SVIL: variants seen among roughly 807,000 people sequenced by gnomAD.
SVIL encodes the protein supervillin, also known as archvillin.
A neutral mutation model predicts 240.4 loss-of-function variants in SVIL; 101 were observed. That is an observed-to-expected ratio of 0.42 (90% CI 0.36 to 0.50). The LOEUF (loss-of-function observed/expected upper bound fraction) is 0.50. Among genes scored for constraint, SVIL ranks in the 20% least tolerant of loss-of-function variants. The pLI, the probability that SVIL is intolerant of heterozygous loss-of-function variation, is 0.01. For missense variants in SVIL, 2,512 were observed against 2,818.7 expected (o/e 0.89, Z 2.46); for synonymous variants, 999 against 1,100.0 (o/e 0.91, Z 1.82).
At chr10:29,666,840 T>C (rs1331220488) in intron 2 of SVIL, among the ~76,000 whole-genome samples, 2 of 152,232 alleles carry the variant, frequency 1.3e-5, no homozygotes, top group African/African-American at 2.4e-5. Flanking sequence ...CTGGGCATAA[T>C]ATGGTTTGGC....
intron 30 of SVIL, among the ~76,000 whole-genome samples, 159 bp from the exon 31 acceptor site, chr10:29,471,402 C>T (rs187272709): frequency 3.9e-4 from 59 of 152,296 alleles, no homozygotes; most frequent in South Asian, 2.9e-3. Flanking sequence ...CGAACGCTGC[C>T]GTGTGCAGCC....
chr10:29,515,707 T>G (rs56013324), intron 16 of SVIL, among the ~76,000 whole-genome samples: 41,455 of 152,116 alleles, frequency 0.27, 6,008 homozygotes, highest in Non-Finnish European at 0.33. Context: ...CAAATTCATC[T>G]TCCTGAGTTG....
rs934760585 is a variant in SVIL, at chr10:29,463,980, T to C, written c.6134-345A>G. On this transcript the variant is annotated intron_variant, in intron 34 of 37. Transcript: ENST00000355867. ...TGCTAAGAGTGGAAGGGATAATGCA[T>C]GTGCCACTCAAGGGGCTGTTAGCAC... Among the ~76,000 whole-genome samples the C allele has an allele frequency of 2.6e-5, 4 of 152,312 alleles. No homozygotes were observed. The East Asian group carries it at 5.8e-4, about 22-fold the overall frequency.
chr10:29,670,944 A>G (rs941184271), intron 2 of SVIL: 1 of 151,942 alleles, frequency 6.6e-6, no homozygotes, highest in African/African-American at 2.4e-5. Context: ...GAGTCCAACA[A>G]CTCCTCTATT....
Position 29,524,515 on chromosome 10 carries a change from G to A in SVIL, c.2543C>T (p.Ala848Val), listed in dbSNP as rs1274653008. ...RIDTRQRRMN[A>V]RYQTQPVTLG... Reference sequence around the variant, plus strand: ...TGTGACTGGCTGAGTTTGATAGCGAGCGTTCATTCTCCTCTGTCTCGTGTC... The same window carrying A: ...TGTGACTGGCTGAGTTTGATAGCGAACGTTCATTCTCCTCTGTCTCGTGTC... Residue 848 changes from alanine (A) to valine (V), a missense_variant, in exon 14 of 38, where the codon GCT becomes GTT. Ala to Val is a moderately conservative substitution (Grantham distance 64). Transcript: ENST00000355867. The A allele has an allele frequency of 1.2e-6, 2 of 1,614,194 alleles. No homozygotes were observed. Among genetic ancestry groups the A allele is most frequent in the East Asian group, 2.2e-5 (1 of 44,870 alleles).
chr10:29,522,601 C>T lies in SVIL; in HGVS notation c.3198G>A (p.Thr1066=), dbSNP rs375641956. Residue 1066 remains threonine, a synonymous_variant, in exon 16 of 38, where the codon ACG becomes ACA. Coordinates refer to ENST00000355867, the MANE Select transcript of SVIL (RefSeq NM_021738.3). The part of the protein sequence containing the change: ...AEFGEPTSEQ[T]GTAAGKTIAQ... The stretch of plus-strand genomic sequence containing the variant: ...CAATAGTTTTCCCAGCAGCTGTCCC[C>T]GTCTGCTCGGAAGTGGGCTCCCCGA... 56 of 1,614,162 alleles carry T rather than the reference C, an allele frequency of 3.5e-5. 1 individual carries two copies. In the South Asian group the frequency reaches 4.7e-4, roughly 14 times the overall value.
chr10:29,576,049 T>C (rs2132746575), intron 1 of SVIL: 1 of 962,254 alleles, frequency 1.0e-6, no homozygotes, highest in Non-Finnish European at 1.2e-6. Flanking sequence ...ATATGTGTTT[T>C]CCCATGAAAC....
chr10:29,632,386 G>A (rs1958132243), intron 1 of SVIL, among the ~76,000 whole-genome samples: 1 of 151,860 alleles, frequency 6.6e-6, no homozygotes, highest in Non-Finnish European at 1.5e-5. Context: ...AGCTAGTAGG[G>A]AGGCTGAGGC....
Position 29,490,490 on chromosome 10 carries a change from G to A in SVIL, c.4192+357C>T, listed in dbSNP as rs186855046. ...TAACCGGGTGCGGTGGCTTGTGCCT[G>A]TAATCCCAGCACTTTGGGAGATCAA... On this transcript the variant is annotated intron_variant, in intron 22 of 37. Transcript: ENST00000355867. Among the ~76,000 whole-genome samples the A allele has an allele frequency of 2.4e-3, 367 of 151,266 alleles. 8 individuals carry two copies. In the South Asian group the frequency reaches 0.041, roughly 17 times the overall value.
rs764204188 is a variant in SVIL, at chr10:29,533,362, C to G, written c.1005G>C (p.Ala335=). The stretch of plus-strand genomic sequence containing the variant: ...ACTGAAATGACACGTAATGGACTGG[C>G]GCTGGCTGGTGTCTCCTCTGAGTTA... The part of the protein sequence containing the change: ...ESVTQRRHQP[A]PVHYVSFQSE... Residue 335 remains alanine (A), a synonymous_variant, in exon 8 of 38, where the codon GCG becomes GCC. Coordinates refer to ENST00000355867, the MANE Select transcript of SVIL (RefSeq NM_021738.3). 1 of 1,614,022 alleles carries G rather than the reference C, an allele frequency of 6.2e-7. No homozygotes were observed. Among genetic ancestry groups the G allele is most frequent in the Non-Finnish European group, 8.5e-7 (1 of 1,180,040 alleles).
intron 6 of SVIL, among the ~76,000 whole-genome samples, chr10:29,540,789 C>A (rs1272727670): frequency 6.6e-6 from 1 of 152,172 alleles, no homozygotes. Context: ...AGAAGAGTTA[C>A]CCGATTACCT....
rs61846560 is a variant in SVIL at position 29,520,005 on chromosome 10, C to T, written c.3389+2405G>A. Reference sequence around the variant, plus strand: ...CTCACTTTTAAAAATGAGAATTTTACAGTAGGATTAAAGCTTTCAGAAAAA... The same window carrying T: ...CTCACTTTTAAAAATGAGAATTTTATAGTAGGATTAAAGCTTTCAGAAAAA... On this transcript the variant is annotated intron_variant, in intron 16 of 37. Coordinates refer to ENST00000355867, the MANE Select transcript of SVIL (RefSeq NM_021738.3). Among the ~76,000 whole-genome samples the T allele has an allele frequency of 8.3e-3, 1,265 of 152,258 alleles. 7 individuals are homozygous for T. Among genetic ancestry groups the T allele is most frequent in the Non-Finnish European group, 0.011 (736 of 68,016 alleles).
At chr10:29,646,767 A>T (rs545472489) in intron 3 of SVIL, among the ~76,000 whole-genome samples, 2 of 152,314 alleles carry the variant, frequency 1.3e-5, no homozygotes, top group East Asian at 3.9e-4. Flanking sequence ...CCCGTGGGTC[A>T]CAAACCTAAC....
In SVIL at chr10:29,458,239, C is replaced by T. The variant is rs752571214; in HGVS notation, c.*8G>A. ...CGTGACCGTGAGGCTCCTCTGGCGT[C>T]TCCCCACTCAGAACAGGCCTTTTGC... On this transcript the variant is annotated 3_prime_UTR_variant, in exon 38 of 38. Coordinates refer to ENST00000355867, the MANE Select transcript of SVIL (RefSeq NM_021738.3). The T allele has an allele frequency of 2.5e-6, 4 of 1,613,924 alleles. No individual in the cohort carries two copies. Among genetic ancestry groups the T allele is most frequent in the Non-Finnish European group, 3.4e-6 (4 of 1,179,946 alleles).
chr10:29,688,085 A>G (rs554150482), intron 1 of SVIL, among the ~76,000 whole-genome samples: 26 of 152,360 alleles, frequency 1.7e-4, no homozygotes, highest in African/African-American at 6.3e-4. Context: ...ATTTATCTAG[A>G]TAAGGGGTAG....
At chr10:29,554,264 A>G (rs1450545544) in intron 5 of SVIL, among the ~76,000 whole-genome samples, 2 of 151,942 alleles carry the variant, frequency 1.3e-5, no homozygotes, top group South Asian at 2.1e-4. Context: ...TGAGCTTATC[A>G]GGCCACTGCA....
rs1957280411 is a variant in SVIL at position 29,612,421 on chromosome 10, G to A, written c.-201+21999C>T. Among the ~76,000 whole-genome samples the A allele has an allele frequency of 3.9e-5, 6 of 152,302 alleles. No individual in the cohort carries two copies. In the South Asian group the frequency reaches 1.0e-3, roughly 26 times the overall value. ...TACATCATCCATGGTATCAGGGATG[G>A]AGTTGGAAGTGAGGCTTTTTGGTGG... On this transcript the variant is annotated intron_variant, in intron 1 of 37. Coordinates refer to ENST00000355867, the MANE Select transcript of SVIL (RefSeq NM_021738.3).
intron 16 of SVIL, among the ~76,000 whole-genome samples, chr10:29,514,535 C>A (rs1459577224): frequency 6.6e-6 from 1 of 152,200 alleles, no homozygotes; most frequent in Non-Finnish European, 1.5e-5. Flanking sequence ...CACCACTACA[C>A]TAGGCTAATT....
At chr10:29,677,649 GGGT>G (rs1475830374) in intron 2 of SVIL, among the ~76,000 whole-genome samples, 8 of 152,068 alleles carry the variant, frequency 5.3e-5, no homozygotes, top group African/African-American at 1.9e-4. Flanking sequence ...CTCAACCCCT[GGGT>G]TCAAGCGATC....
Sources: gnomAD v4.1 joint callset for allele counts (sites outside exome capture counted in the v4.1 genomes callset) on GRCh38, gnomAD v4.1.1 for gene constraint, MANE v1.5 for transcripts, NCBI Gene and HGNC (gene_info 2026-07-23, HGNC 2026-07-21) for gene names.